The following UPK1A variants were observed in gnomAD, a reference collection of about 807,000 sequenced individuals.
UPK1A encodes the protein uroplakin 1A, also known as uroplakin-1a.
In UPK1A, 31 loss-of-function variants were observed where a neutral mutation model predicts 32.3. The observed-to-expected ratio is 0.96, with a 90% confidence interval of 0.72 to 1.30. The LOEUF (loss-of-function observed/expected upper bound fraction) is 1.30, where lower values mean the gene tolerates loss of function less well. UPK1A is among the 50% of genes most tolerant of loss of function. The pLI, the probability that UPK1A is intolerant of heterozygous loss-of-function variation, is 0.00. For synonymous variants in UPK1A, 135 were observed against 137.1 expected (o/e 0.98, Z 0.11); for missense variants, 340 against 357.4 (o/e 0.95, Z 0.39).
chr19:35,675,391 C>T (rs1392469966), intron 5 of UPK1A, among the ~76,000 whole-genome samples: 1 of 152,050 alleles, frequency 6.6e-6, no homozygotes, highest in Non-Finnish European at 1.5e-5. Context: ...AAGCAATTCT[C>T]CTGCCCCAGC....
exon 8 of UPK1A, chr19:35,678,123 G>A (rs1207416284): frequency 1.2e-5 from 16 of 1,368,728 alleles, no homozygotes; most frequent in South Asian, 1.5e-5. Context: ...ACCTCCCAAC[G>A]TCCCTAGCCC....
intron 5 of UPK1A, 115 bp downstream of exon 5, chr19:35,673,660 G>A: frequency 1.2e-6 from 1 of 866,374 alleles, no homozygotes; most frequent in Non-Finnish European, 1.8e-6. Context: ...ATCCGCTCAT[G>A]AGATCTCTAG....
At chr19:35,678,138 G>A (rs1327592705) in exon 8 of UPK1A, 12 of 1,260,806 alleles carry the variant, frequency 9.5e-6, no homozygotes, top group Admixed American at 2.9e-5. Context: ...TAGCCCTTAC[G>A]TCCTTCCACT....
intron 2 of UPK1A, among the ~76,000 whole-genome samples, chr19:35,667,306 TTTTTGTTTTGTTTTG>T (rs142423365): frequency 0.42 from 62,390 of 150,014 alleles, 14,335 homozygotes; most frequent in African/African-American, 0.62. Flanking sequence ...GGTTTTGTGT[TTTTTGTTTTGTTTTG>T]TTTTGTTTTG....
At chr19:35,672,270 T>C (rs1035347622) in intron 3 of UPK1A, among the ~76,000 whole-genome samples, 7 of 152,260 alleles carry the variant, frequency 4.6e-5, no homozygotes, top group African/African-American at 1.7e-4. Flanking sequence ...TGTTGTTTGT[T>C]TTATTTTAAG....
intron 3 of UPK1A, among the ~76,000 whole-genome samples, chr19:35,671,751 C>T (rs1314592006): frequency 1.3e-5 from 2 of 151,870 alleles, no homozygotes; most frequent in Non-Finnish European, 2.9e-5. Flanking sequence ...CATGAGCCAC[C>T]GTGCCCGGCC....
intron 2 of UPK1A, among the ~76,000 whole-genome samples, chr19:35,667,127 G>T (rs560418486): frequency 6.6e-6 from 1 of 152,226 alleles, no homozygotes; most frequent in East Asian, 1.9e-4. Flanking sequence ...CTCATTGTGT[G>T]GGCTGTTGTC....
intron 3 of UPK1A, among the ~76,000 whole-genome samples, chr19:35,672,636 T>C (rs1203591352): frequency 1.3e-5 from 2 of 152,240 alleles, no homozygotes; most frequent in Non-Finnish European, 2.9e-5. Flanking sequence ...GGTGCGATCA[T>C]AGCTCGCTGA....
chr19:35,671,260 G>A lies in UPK1A; in HGVS notation c.286-1972G>A, dbSNP rs930807155. The stretch of plus-strand genomic sequence containing the variant: ...AAATTAACCAGGCGTGGTGGCGGGC[G>A]CCTGTAGTCCCAGCTACTCGGGAGG... On this transcript the variant is annotated intron_variant, in intron 3 of 7. Transcript: ENST00000617999. Among the ~76,000 whole-genome samples the A allele has an allele frequency of 4.0e-5, 6 of 150,102 alleles. No homozygotes were observed. In the East Asian group the frequency reaches 1.0e-3, roughly 26 times the overall value.
At chr19:35,668,759 G>A (rs1176216994) in intron 3 of UPK1A, 105 bp downstream of exon 3, 1 of 1,271,552 alleles carries the variant, frequency 7.9e-7, no homozygotes, top group Non-Finnish European at 1.1e-6. Flanking sequence ...GTTCCCCATG[G>A]TGTCACACTC....
chr19:35,668,552 C>T (rs1480427276), exon 3 of UPK1A: 9 of 1,614,080 alleles, frequency 5.6e-6, no homozygotes, highest in South Asian at 4.4e-5. Flanking sequence ...ATGACGTCTT[C>T]GCTGGTGCCT....
rs1334819468 is a variant in UPK1A at position 35,673,446 on chromosome 19, C to G, written c.369C>G (p.Ser123=). Residue 123 remains serine (S), a synonymous_variant, in exon 5 of 8, where the codon TCC becomes TCG. Transcript: ENST00000617999. ...TTCCCTGTTCTCCTCAGATGGTGTC[C>G]AACCCATCCCTGATCACCAAGCAGA... 8 of 1,613,634 alleles carry G rather than the reference C, an allele frequency of 5.0e-6. No individual in the cohort carries two copies. The East Asian group carries it at 1.8e-4, about 36-fold the overall frequency.
chr19:35,667,011 C>A, intron 2 of UPK1A, 115 bp downstream of exon 2: 1 of 1,032,058 alleles, frequency 9.7e-7, no homozygotes, highest in South Asian at 1.4e-5. Context: ...ACTCAGTGGT[C>A]AGCACAGCCT....
intron 3 of UPK1A, among the ~76,000 whole-genome samples, chr19:35,671,947 C>T (rs1968108053): frequency 6.6e-6 from 1 of 152,146 alleles, no homozygotes; most frequent in Non-Finnish European, 1.5e-5. Context: ...AGTCACTTGC[C>T]TGTAAATACT....
intron 3 of UPK1A, among the ~76,000 whole-genome samples, chr19:35,669,614 T>C (rs1277308113): frequency 6.6e-6 from 1 of 151,652 alleles, no homozygotes; most frequent in Non-Finnish European, 1.5e-5. Flanking sequence ...GAGGTTGCAG[T>C]GAGCCAAGAT....
chr19:35,667,438 T>C (rs1283249416), intron 2 of UPK1A, among the ~76,000 whole-genome samples: 1 of 152,034 alleles, frequency 6.6e-6, no homozygotes, highest in Non-Finnish European at 1.5e-5. Context: ...GCTCAAGTGA[T>C]TCTCCTGCCT....
In UPK1A at chr19:35,676,024, G is replaced by A; in HGVS notation, c.648+5G>A. 1.2e-6 allele frequency: 2 copies of A among 1,611,430 alleles called. 1 individual carries two copies. The highest frequency in any genetic ancestry group is 2.2e-5 in the South Asian group (2 of 90,684). Reference sequence around the variant, plus strand: ...ATGGACTACCTGTTCACCAAGGTGTGGCCGTCTGCCCTGCTCCATCTGTCT... The same window carrying A: ...ATGGACTACCTGTTCACCAAGGTGTAGCCGTCTGCCCTGCTCCATCTGTCT... On this transcript the variant is annotated splice_donor_5th_base_variant and intron_variant, in intron 6 of 7. Transcript: ENST00000617999.
chr19:35,671,205 G>A (rs986444648), intron 3 of UPK1A, among the ~76,000 whole-genome samples: 2 of 151,496 alleles, frequency 1.3e-5, no homozygotes, highest in South Asian at 2.1e-4. Flanking sequence ...TGGCTAACAC[G>A]GTGAAATCCC....
chr19:35,667,306 TTTTTGTTTTGTTTTGTTTTG>T (rs142423365), intron 2 of UPK1A, among the ~76,000 whole-genome samples: 41 of 150,204 alleles, frequency 2.7e-4, no homozygotes, highest in Admixed American at 4.7e-4. Flanking sequence ...GGTTTTGTGT[TTTTTGTTTTGTTTTGTTTTG>T]TTTTGTTTTG....
Sources: gnomAD v4.1 joint callset for allele counts (sites outside exome capture counted in the v4.1 genomes callset) on GRCh38, gnomAD v4.1.1 for gene constraint, MANE v1.5 for transcripts, NCBI Gene and HGNC (gene_info 2026-07-23, HGNC 2026-07-21) for gene names.